COL4A4: variants seen among roughly 807,000 people sequenced by gnomAD.
The protein encoded by COL4A4 is collagen alpha-4(IV) chain.
COL4A4 carries 105 observed loss-of-function variants against 192.9 expected under a neutral mutation model. The ratio of observed to expected loss-of-function variants is 0.54; its 90% CI spans 0.46 to 0.64. The LOEUF is 0.64. Among genes scored for constraint, COL4A4 ranks in the 30% least tolerant of loss-of-function variants. The pLI is 0.00. For missense variants in COL4A4, 1,967 were observed against 2,169.3 expected, an observed-to-expected ratio of 0.91 and a Z score of 1.85; for synonymous variants, 762 against 769.9, an observed-to-expected ratio of 0.99 and a Z score of 0.17.
the COL4A4 span, among the ~76,000 whole-genome samples, chr2:226,979,916 A>G: frequency 4.6e-5 from 7 of 152,200 alleles, no homozygotes; most frequent in African/African-American, 7.2e-5. Context: ...GATAGAGAAC[A>G]ATGGACAAAT....
At chr2:227,028,065 C>T (rs1559445215) in intron 41 of COL4A4, 56 bp from the exon 42 acceptor site, 5 of 1,202,048 alleles carry the variant, frequency 4.2e-6, no homozygotes, top group Non-Finnish European at 6.0e-6. Context: ...AAGATAAAAA[C>T]AATGACAGTT....
chr2:227,127,356 T>C (rs2062149941), intron 4 of COL4A4, among the ~76,000 whole-genome samples: 1 of 152,206 alleles, frequency 6.6e-6, no homozygotes, highest in South Asian at 2.1e-4. Flanking sequence ...CACCGTATCA[T>C]CAAACCTGTT....
chr2:227,121,721 A>G (rs2061807046), intron 4 of COL4A4, among the ~76,000 whole-genome samples: 1 of 152,206 alleles, frequency 6.6e-6, no homozygotes, highest in Non-Finnish European at 1.5e-5. Context: ...ATAAATTTCA[A>G]TTACTGCACA....
chr2:227,159,548 C>T (rs1192446913), intron 1 of COL4A4, among the ~76,000 whole-genome samples: 1 of 152,224 alleles, frequency 6.6e-6, no homozygotes, highest in East Asian at 1.9e-4. Context: ...ACCTAAATCT[C>T]ATCTTGAATT....
At chr2:227,136,752 C>CTACT (rs1325941510) in intron 4 of COL4A4, among the ~76,000 whole-genome samples, 1 of 152,186 alleles carries the variant, frequency 6.6e-6, no homozygotes. Flanking sequence ...CTACTACCTA[C>CTACT]TACTACCTAC....
chr2:227,133,678 G>C (rs2062626329), intron 4 of COL4A4, among the ~76,000 whole-genome samples: 1 of 152,176 alleles, frequency 6.6e-6, no homozygotes, highest in African/African-American at 2.4e-5. Context: ...GATCACCTGA[G>C]GTCAGGAGTT....
At position 227,060,260 on chromosome 2, in the gene COL4A4, A is replaced by G. The variant is rs940044936; in HGVS notation, c.2057-17T>C. On this transcript the variant is annotated splice_polypyrimidine_tract_variant and intron_variant, in intron 26 of 47. Transcript: ENST00000396625. Reference sequence around the variant, plus strand: ...CCTTCGGACCTAAACAATAATAAAAACAAAACACAGACTCAATAAAACAAA... The same window carrying G: ...CCTTCGGACCTAAACAATAATAAAAGCAAAACACAGACTCAATAAAACAAA... The G allele has an allele frequency of 1.9e-6, 3 of 1,553,026 alleles. No individual in the cohort carries two copies. In the African/African-American group the frequency reaches 4.1e-5, roughly 21 times the overall value.
chr2:227,046,524 T>C (rs1972899416), intron 35 of COL4A4, among the ~76,000 whole-genome samples: 1 of 152,006 alleles, frequency 6.6e-6, no homozygotes, highest in Non-Finnish European at 1.5e-5. Context: ...TGTACACTTG[T>C]CTGATTACTG....
intron 4 of COL4A4, among the ~76,000 whole-genome samples, chr2:227,132,135 A>C (rs2062515387): frequency 6.6e-6 from 1 of 152,202 alleles, no homozygotes. Flanking sequence ...GCTAACCCAC[A>C]GCTCCCTGTG....
chr2:227,120,928 G>A lies in COL4A4; in HGVS notation c.327+86C>T, dbSNP rs185759466. ...CATTCTAGCCTGAGTGACAGAGTAA[G>A]ACTGTCTAAAAAAAACAAAAACAAA... is the stretch of plus-strand genomic sequence containing the variant. On this transcript the variant is annotated intron_variant, in intron 5 of 47. Transcript: ENST00000396625. 2.8e-3 allele frequency: 4,285 copies of A among 1,547,772 alleles called. 14 individuals carry two copies. Among genetic ancestry groups the A allele is most frequent in the Middle Eastern group, 0.013 (77 of 5,870 alleles).
At chr2:227,045,713 G>A (rs1972348174) in intron 35 of COL4A4, among the ~76,000 whole-genome samples, 1 of 146,024 alleles carries the variant, frequency 6.8e-6, no homozygotes, top group Non-Finnish European at 1.5e-5. Flanking sequence ...AGGTTGCAGT[G>A]AGCCAAGATT....
intron 1 of COL4A4, among the ~76,000 whole-genome samples, chr2:227,159,015 T>A (rs2064585844): frequency 6.6e-6 from 1 of 152,200 alleles, no homozygotes; most frequent in African/African-American, 2.4e-5. Flanking sequence ...AGAAAAATAT[T>A]CATAGTAGCT....
rs933331654 is a variant in COL4A4 at position 227,027,946 on chromosome 2, C to A, written c.4037G>T (p.Gly1346Val). 21 of 1,613,870 alleles carry A rather than the reference C, an allele frequency of 1.3e-5. No homozygotes were observed. Among genetic ancestry groups the A allele is most frequent in the Non-Finnish European group, 1.7e-5 (20 of 1,179,942 alleles). Residue 1346 changes from glycine (G) to valine (V), a missense_variant, in exon 42 of 48, where the codon GGT becomes GTT. Gly to Val is a moderately radical substitution (Grantham distance 109, BLOSUM62 -3). Transcript: ENST00000396625. ...TTTTCTCCCTGGAGGTCCAGGTAAA[C>A]CCTTCTCTCCAGGTGGCCCAGGAAA... ...HGFPGPPGEK[G>V]LPGPPGRKGP...
At chr2:227,150,798 C>A (rs2063882180) in intron 1 of COL4A4, among the ~76,000 whole-genome samples, 1 of 152,128 alleles carries the variant, frequency 6.6e-6, no homozygotes, top group Non-Finnish European at 1.5e-5. Flanking sequence ...GAAACCACCT[C>A]CATGATTCAA....
intron 8 of COL4A4, among the ~76,000 whole-genome samples, chr2:227,112,308 A>G (rs10210877): frequency 0.75 from 113,093 of 151,130 alleles, 43,413 homozygotes; most frequent in African/African-American, 0.94. Context: ...CGCTCTTGTC[A>G]CCCAGGCTGG....
chr2:227,032,903 T>G (rs1968744833), intron 38 of COL4A4, among the ~76,000 whole-genome samples: 1 of 152,216 alleles, frequency 6.6e-6, no homozygotes, highest in African/African-American at 2.4e-5. Context: ...GCAACAAATG[T>G]GCATTATACT....
chr2:227,119,190 C>A (rs2125008159), intron 6 of COL4A4, among the ~76,000 whole-genome samples: 1 of 151,846 alleles, frequency 6.6e-6, no homozygotes, highest in African/African-American at 2.4e-5. Context: ...CTTGACATAA[C>A]AAGTATACCT....
At position 227,010,325 on chromosome 2, in the gene COL4A4, T is replaced by A. The variant is rs780234545; in HGVS notation, c.4510A>T (p.Asn1504Tyr). The A allele has an allele frequency of 1.2e-6, 2 of 1,614,234 alleles. No individual in the cohort carries two copies. The highest frequency in any genetic ancestry group is 2.2e-5 in the South Asian group (2 of 91,086). Residue 1504 changes from asparagine to tyrosine, a missense_variant, in exon 46 of 48, where the codon AAT becomes TAT. By Grantham distance (143) the Asn-to-Tyr change is moderately radical. Coordinates refer to ENST00000396625, the MANE Select transcript of COL4A4 (RefSeq NM_000092.5). ...LYLEGQEKAH[N>Y]QDLGLAGSCL... ...CCTGTATCCATACCAAGGTCTTGATTGTGAGCTTTCTCTTGCCCTTCCAGG... is the reference window on the plus strand; with the variant it reads ...CCTGTATCCATACCAAGGTCTTGATAGTGAGCTTTCTCTTGCCCTTCCAGG...
chr2:227,073,215 A>T (rs1313403473), intron 25 of COL4A4, among the ~76,000 whole-genome samples: 1 of 152,122 alleles, frequency 6.6e-6, no homozygotes, highest in Non-Finnish European at 1.5e-5. Context: ...TTACAAAATC[A>T]TTGTACATAA....
Sources: allele counts gnomAD v4.1 joint callset (sites outside exome capture counted in the v4.1 genomes callset), GRCh38; gene constraint gnomAD v4.1.1; transcripts MANE v1.5; gene names NCBI Gene and HGNC (gene_info 2026-07-23, HGNC 2026-07-21).